RSPO3: variants seen among roughly 807,000 people sequenced by gnomAD.
RSPO3 encodes R-spondin 3, also known as R-spondin-3.
In RSPO3, 17 loss-of-function variants were observed where a neutral mutation model predicts 36.5. That is an observed-to-expected ratio of 0.47 (90% CI 0.32 to 0.70). The LOEUF is 0.70. Ranked by LOEUF, RSPO3 falls within the 30% of genes least tolerant of loss-of-function variation. RSPO3 has a pLI of 0.04. For missense variants in RSPO3, 294 were observed against 322.5 expected (o/e 0.91, Z 0.68); for synonymous variants, 108 against 107.0 (o/e 1.01, Z -0.06).
intron 1 of RSPO3, 137 bp downstream of exon 1, chr6:127,119,426 T>G: frequency 1.5e-6 from 1 of 665,910 alleles, no homozygotes; most frequent in Non-Finnish European, 2.7e-6. Flanking sequence ...AGGTTCGGGC[T>G]TTGGGGGTAT....
intron 4 of RSPO3, among the ~76,000 whole-genome samples, chr6:127,175,940 G>T (rs1256346217): frequency 6.6e-6 from 1 of 151,660 alleles, no homozygotes; most frequent in African/African-American, 2.4e-5. Flanking sequence ...TTTCTTATAA[G>T]AATTGTGTAT....
chr6:127,197,749 A>G lies in RSPO3; in HGVS notation c.*1742A>G. On this transcript the variant is annotated 3_prime_UTR_variant, in exon 5 of 5. Coordinates refer to ENST00000356698, the MANE Select transcript of RSPO3 (RefSeq NM_032784.5). ...TTCTCTCTTCCTCTTCTAAGATATA[A>G]ACATTTTAAATGATTTATTCCTGTT... 2.2e-6 allele frequency: 1 copy of G among 453,878 alleles called. No individual in the cohort carries two copies. The highest frequency in any genetic ancestry group is 3.8e-6 in the Non-Finnish European group (1 of 260,322). The allele number at this position is 453,878 out of a possible 1,614,324, so 28.1% of individuals were successfully genotyped here.
chr6:127,153,498 A>G (rs1254602583), intron 3 of RSPO3, among the ~76,000 whole-genome samples: 1 of 152,066 alleles, frequency 6.6e-6, no homozygotes, highest in Non-Finnish European at 1.5e-5. Flanking sequence ...TTAGTTTTGA[A>G]TATTTTCCCT....
chr6:127,137,885 A>C (rs1774192749), intron 1 of RSPO3, among the ~76,000 whole-genome samples: 1 of 152,218 alleles, frequency 6.6e-6, no homozygotes, highest in African/African-American at 2.4e-5. Flanking sequence ...GTATTATCTT[A>C]TTAATTGTAT....
At chr6:127,155,905 C>CAT (rs776413876) in intron 4 of RSPO3, among the ~76,000 whole-genome samples, 4 of 150,738 alleles carry the variant, frequency 2.7e-5, no homozygotes, top group East Asian at 1.9e-4. Flanking sequence ...CACACACACA[C>CAT]ATATATATAA....
At chr6:127,127,367 C>G (rs561938496) in intron 1 of RSPO3, among the ~76,000 whole-genome samples, 3 of 152,186 alleles carry the variant, frequency 2.0e-5, no homozygotes, top group East Asian at 1.9e-4. Flanking sequence ...ATTTTGCCAA[C>G]AAGAAATAAT....
chr6:127,158,598 G>A (rs941792791), intron 4 of RSPO3, among the ~76,000 whole-genome samples: 1 of 152,186 alleles, frequency 6.6e-6, no homozygotes, highest in South Asian at 2.1e-4. Flanking sequence ...TTGAATAGAA[G>A]AAAATAGTTT....
intron 1 of RSPO3, among the ~76,000 whole-genome samples, chr6:127,123,940 T>C (rs1003389516): frequency 4.6e-5 from 7 of 152,064 alleles, no homozygotes; most frequent in African/African-American, 1.4e-4. Context: ...AATGAATTTA[T>C]TAGACATCTG....
At chr6:127,161,431 T>C (rs1159651656) in intron 4 of RSPO3, among the ~76,000 whole-genome samples, 1 of 152,184 alleles carries the variant, frequency 6.6e-6, no homozygotes, top group African/African-American at 2.4e-5. Flanking sequence ...ATATCATTTT[T>C]TAGAACTCAG....
chr6:127,137,828 G>T (rs902764617), intron 1 of RSPO3, among the ~76,000 whole-genome samples: 7 of 151,772 alleles, frequency 4.6e-5, no homozygotes, highest in African/African-American at 2.4e-5. Flanking sequence ...TTTAATTTGC[G>T]GCAAAAAGTT....
intron 1 of RSPO3, among the ~76,000 whole-genome samples, chr6:127,128,985 T>A (rs1773997470): frequency 6.6e-6 from 1 of 152,112 alleles, no homozygotes; most frequent in Non-Finnish European, 1.5e-5. Context: ...AGCTACTTAA[T>A]AATAAACAAC....
At chr6:127,141,170 G>A (rs1185012171) in intron 1 of RSPO3, among the ~76,000 whole-genome samples, 1 of 152,124 alleles carries the variant, frequency 6.6e-6, no homozygotes, top group Non-Finnish European at 1.5e-5. Context: ...TGAAATTTTT[G>A]TTGAAAACCT....
intron 2 of RSPO3, 78 bp from the exon 3 acceptor site, chr6:127,150,346 CTG>C (rs1774466880): frequency 7.4e-6 from 10 of 1,345,068 alleles, no homozygotes; most frequent in Non-Finnish European, 1.0e-5. Flanking sequence ...TTGTGTGTGG[CTG>C]TGTCTGACAC....
chr6:127,135,641 T>C (rs912719687), intron 1 of RSPO3, among the ~76,000 whole-genome samples: 6 of 151,966 alleles, frequency 3.9e-5, no homozygotes, highest in African/African-American at 1.2e-4. Flanking sequence ...GAAAAGCACA[T>C]GTCGATTAGA....
chr6:127,181,403 T>C (rs1240722694), intron 4 of RSPO3, among the ~76,000 whole-genome samples: 1 of 151,964 alleles, frequency 6.6e-6, no homozygotes, highest in Non-Finnish European at 1.5e-5. Flanking sequence ...TTAGCAGTAG[T>C]GCAAATCATT....
At chr6:127,129,818 C>T (rs1774015867) in intron 1 of RSPO3, among the ~76,000 whole-genome samples, 1 of 152,000 alleles carries the variant, frequency 6.6e-6, no homozygotes, top group African/African-American at 2.4e-5. Context: ...TCCTCCCTTC[C>T]TGAGTAGATA....
intron 1 of RSPO3, chr6:127,119,886 C>G (rs1027808261): frequency 6.6e-6 from 1 of 152,326 alleles, no homozygotes; most frequent in Non-Finnish European, 1.5e-5. Flanking sequence ...ATGGGGTTCG[C>G]GTGTCTGCGC....
intron 1 of RSPO3, among the ~76,000 whole-genome samples, chr6:127,126,452 G>GT (rs1159470928): frequency 6.6e-6 from 1 of 151,920 alleles, no homozygotes; most frequent in Admixed American, 6.6e-5. Context: ...TTCAACTGTG[G>GT]TTTTTTATGG....
chr6:127,131,596 T>C (rs975453992), intron 1 of RSPO3, among the ~76,000 whole-genome samples: 1 of 152,096 alleles, frequency 6.6e-6, no homozygotes, highest in Non-Finnish European at 1.5e-5. Flanking sequence ...ACTCCACAAA[T>C]TCTAAACCAC....
Sources: allele counts gnomAD v4.1 joint callset (sites outside exome capture counted in the v4.1 genomes callset), GRCh38; gene constraint gnomAD v4.1.1; transcripts MANE v1.5; gene names NCBI Gene and HGNC (gene_info 2026-07-23, HGNC 2026-07-21).